The following GEMIN4 variants were observed in gnomAD, a reference collection of about 807,000 sequenced individuals.
GEMIN4 encodes gem-associated protein 4.
A neutral mutation model predicts 76.8 loss-of-function variants in GEMIN4; 59 were observed. The ratio of observed to expected loss-of-function variants is 0.77; its 90% CI spans 0.62 to 0.95. The LOEUF (loss-of-function observed/expected upper bound fraction) is 0.95. Among genes scored for constraint, GEMIN4 ranks in the 40% least tolerant of loss-of-function variants. GEMIN4 has a pLI of 0.00. For synonymous variants in GEMIN4, 562 were observed against 559.7 expected, an observed-to-expected ratio of 1.00 and a Z score of -0.06; for missense variants, 1,311 against 1,318.9, an observed-to-expected ratio of 0.99 and a Z score of 0.09.
chr17:745,180 T>C lies in GEMIN4; in HGVS notation c.2863A>G (p.Arg955Gly), dbSNP rs1466712326. The C allele has an allele frequency of 1.2e-6, 2 of 1,606,552 alleles. No individual in the cohort carries two copies. Among genetic ancestry groups the C allele is most frequent in the Non-Finnish European group, 1.7e-6 (2 of 1,176,948 alleles). The change falls in exon 2 of 2, where the codon AGG becomes GGG. Residue 955 changes from arginine (R) to glycine (G), a missense_variant. This residue lies in a region of GEMIN4 where 1,208 missense variants were observed against 1,166.9 expected (regional missense o/e 1.04). Coordinates refer to ENST00000319004, the MANE Select transcript of GEMIN4 (RefSeq NM_015721.3). The surrounding 1 kb of genome is among the most constrained non-coding windows in gnomAD (Gnocchi z 4.6). ...CAAGGGCCAGCTGCCTGTATCGCCC[T>C]GACTGAGTCCAGGAGGCGGGTCAGA... is the stretch of plus-strand genomic sequence containing the variant. Reference protein sequence around the residue: ...GSLTRLLDSVRAIQAAGPWVQ... With the variant: ...GSLTRLLDSVGAIQAAGPWVQ...
At position 746,322 on chromosome 17, in the gene GEMIN4, G is replaced by A. The variant is rs1974407366; in HGVS notation, c.1721C>T (p.Thr574Ile). The change falls in exon 2 of 2, where the codon ACC becomes ATC. Residue 574 changes from threonine (T) to isoleucine (I), a missense_variant. Transcript: ENST00000319004. This position sits in a 1 kb window ranked among gnomAD's most constrained non-coding sequence, Gnocchi z 4.3. ...MCSLAVVNLG[T>I]HKFLAQILTA... ...GAGAATCTGGGCCAGGAACTTGTGGGTGCCGAGATTGACCACAGCCAGGCT... is the reference window on the plus strand; with the variant it reads ...GAGAATCTGGGCCAGGAACTTGTGGATGCCGAGATTGACCACAGCCAGGCT... The A allele has an allele frequency of 6.2e-7, 1 of 1,613,770 alleles. No individual in the cohort carries two copies. Among genetic ancestry groups the A allele is most frequent in the South Asian group, 1.1e-5 (1 of 91,086 alleles).
At position 747,325 on chromosome 17, in the gene GEMIN4, G is replaced by A. The variant is rs1228179672; in HGVS notation, c.718C>T (p.Leu240=). 1.2e-6 allele frequency: 2 copies of A among 1,613,658 alleles called. No homozygotes were observed. The highest frequency in any genetic ancestry group is 4.5e-5 in the East Asian group (2 of 44,888). ...GTCAGCATGTCAGCCAGGTTGGCCA[G>A]CGCACAGCACTTCCTCCCCGGGCCC... The part of the protein sequence containing the change: ...ILGPGRKCCA[L]ANLADMLTVF... Residue 240 remains leucine (L), a synonymous_variant, in exon 2 of 2, where the codon CTG becomes TTG. Transcript: ENST00000319004.
Position 745,538 on chromosome 17 carries a change from G to A in GEMIN4, c.2505C>T (p.Leu835=). The change falls in exon 2 of 2, where the codon CTC becomes CTT. Residue 835 remains leucine, a synonymous_variant. Transcript: ENST00000319004. The surrounding 1 kb of genome is among the most constrained non-coding windows in gnomAD (Gnocchi z 4.6). ...SSGISERMLS[L]LVVDVGNPEE... is the part of the protein sequence containing the mutation. ...CAGGATTGCCCACGTCCACCACCAA[G>A]AGAGACAGCATCCTCTCCGAGATGC... 6.2e-7 allele frequency: 1 copy of A among 1,612,558 alleles called. No homozygotes were observed. The highest frequency in any genetic ancestry group is 1.1e-5 in the South Asian group (1 of 91,050).
Position 747,253 on chromosome 17 carries a change from C to T in GEMIN4, c.790G>A (p.Val264Met), listed in dbSNP as rs780409881. 24 of 1,613,840 alleles carry T rather than the reference C, an allele frequency of 1.5e-5. No individual in the cohort carries two copies. The highest frequency in any genetic ancestry group is 6.7e-5 in the Admixed American group (4 of 60,022). Reference sequence around the variant, plus strand: ...ACCGTGGCCAGTTTGTCCAGATACACGGTTGCAGACACCTCCTGGGGGTCG... The same window carrying T: ...ACCGTGGCCAGTTTGTCCAGATACATGGTTGCAGACACCTCCTGGGGGTCG... ...EDDPQEVSAT[V>M]YLDKLATVIS... Residue 264 changes from valine (V) to methionine (M), a missense_variant, in exon 2 of 2, where the codon GTG (valine) becomes ATG (methionine). Val to Met is a conservative substitution (Grantham distance 21). Transcript: ENST00000319004.
In GEMIN4 at chr17:745,940, C is replaced by A. The variant is rs766146852; in HGVS notation, c.2103G>T (p.Leu701Phe). 15 of 1,613,040 alleles carry A rather than the reference C, an allele frequency of 9.3e-6. No homozygotes were observed. The highest frequency in any genetic ancestry group is 8.9e-5 in the East Asian group (4 of 44,884). ...TCSPFPLLFS[L>F]CQLLDRFSKY... ...TGCTGAAGCGGTCCAAGAGCTGGCA[C>A]AAGCTGAAGAGGAGTGGAAACGGGG... is the stretch of plus-strand genomic sequence containing the variant. Residue 701 changes from leucine to phenylalanine, a missense_variant, in exon 2 of 2, where the codon TTG becomes TTT. This residue lies in a region of GEMIN4 where 1,208 missense variants were observed against 1,166.9 expected (regional missense o/e 1.04). Transcript: ENST00000319004. This position sits in a 1 kb window ranked among gnomAD's most constrained non-coding sequence, Gnocchi z 4.6.
chr17:745,918 T>C lies in GEMIN4; in HGVS notation c.2125A>G (p.Ser709Gly). ...FSLCQLLDRF[S>G]KYWQLPKEKR... ...TCCTTGGGAAGCTGCCAGTATTTGC[T>C]GAAGCGGTCCAAGAGCTGGCACAAG... The change falls in exon 2 of 2, where the codon AGC (serine) becomes GGC (glycine). Residue 709 changes from serine (S) to glycine (G), a missense_variant. Transcript: ENST00000319004. The surrounding 1 kb of genome is among the most constrained non-coding windows in gnomAD (Gnocchi z 4.6). The C allele has an allele frequency of 1.9e-6, 3 of 1,613,132 alleles. No homozygotes were observed. Among genetic ancestry groups the C allele is most frequent in the Non-Finnish European group, 2.5e-6 (3 of 1,179,866 alleles).
At position 745,830 on chromosome 17, in the gene GEMIN4, T is replaced by C. The variant is rs774453569; in HGVS notation, c.2213A>G (p.Glu738Gly). 3.7e-6 allele frequency: 6 copies of C among 1,613,062 alleles called. No homozygotes were observed. In the South Asian group the frequency reaches 5.5e-5, roughly 15 times the overall value. The change falls in exon 2 of 2, where the codon GAG becomes GGG. Residue 738 changes from glutamate (E) to glycine (G), a missense_variant. Around this residue, in one of 2 missense-constraint regions of GEMIN4, gnomAD observed 1,208 missense variants for 1,166.9 expected, o/e 1.04. Coordinates refer to ENST00000319004, the MANE Select transcript of GEMIN4 (RefSeq NM_015721.3). This position sits in a 1 kb window ranked among gnomAD's most constrained non-coding sequence, Gnocchi z 4.6. ...LAIHILELLC[E>G]IVSANAETFS... ...GGTCTCAGCATTGGCTGATACAATC[T>C]CACACAGGAGCTCCAGGATATGGAT...
chr17:750,543 G>C (rs1032035157), intron 1 of GEMIN4, among the ~76,000 whole-genome samples: 2 of 152,154 alleles, frequency 1.3e-5, no homozygotes, highest in Non-Finnish European at 2.9e-5. Flanking sequence ...GTCTTTATCA[G>C]GTATGTTTCC....
At chr17:752,324 G>C, upstream of GEMIN4, 2 of 1,218,704 alleles carry the variant, frequency 1.6e-6, no homozygotes, top group Non-Finnish European at 2.0e-6. Context: ...CCTCACGAAC[G>C]AGCGCGCCAA....
rs1168632648 is a variant in GEMIN4, at chr17:745,865, C to G, written c.2178G>C (p.Lys726Asn). 1 of 1,612,814 alleles carries G rather than the reference C, an allele frequency of 6.2e-7. No individual in the cohort carries two copies. ...GCTCCAGGATATGGATCGCTAGATC[C>G]TTCCTATCCAAAGAGAGGCACCGCT... The part of the protein sequence containing the change: ...KEKRCLSLDR[K>N]DLAIHILELL... Residue 726 changes from lysine to asparagine, a missense_variant, in exon 2 of 2, where the codon AAG (lysine) becomes AAC (asparagine). By Grantham distance (94) the Lys-to-Asn change is moderately conservative. Transcript: ENST00000319004. The surrounding 1 kb of genome is among the most constrained non-coding windows in gnomAD (Gnocchi z 4.6).
In GEMIN4 at chr17:745,779, G is replaced by T; in HGVS notation, c.2264C>A (p.Ser755Tyr). The T allele has an allele frequency of 6.2e-7, 1 of 1,612,186 alleles. No homozygotes were observed. The highest frequency in any genetic ancestry group is 1.1e-5 in the South Asian group (1 of 90,746). Residue 755 changes from serine (S) to tyrosine (Y), a missense_variant, in exon 2 of 2, where the codon TCC (serine) becomes TAC (tyrosine). Around this residue, in one of 2 missense-constraint regions of GEMIN4, gnomAD observed 1,208 missense variants for 1,166.9 expected, o/e 1.04. Transcript: ENST00000319004. This position sits in a 1 kb window ranked among gnomAD's most constrained non-coding sequence, Gnocchi z 4.6. ...ETFSPDVWIK[S>Y]LSWLHRKLEQ... ...TAACTTGCGGTGGAGCCAGGACAGG[G>T]ACTTGATCCAGACATCCGGGGAGAA...
Position 747,747 on chromosome 17 carries a change from GAGA to G in GEMIN4, c.293_295del (p.Phe98del), listed in dbSNP as rs746184581. On this transcript the variant is annotated inframe_deletion, in exon 2 of 2. Coordinates refer to ENST00000319004, the MANE Select transcript of GEMIN4 (RefSeq NM_015721.3). Reference sequence around the variant, plus strand: ...GATGGTGGGGATCATGTTGCCCACCGAGAAGAACAGGTCTTCCTGCCACCGTGT... The same window carrying G: ...GATGGTGGGGATCATGTTGCCCACCGAGAACAGGTCTTCCTGCCACCGTGT... The G allele has an allele frequency of 5.2e-5, 84 of 1,613,608 alleles. No individual in the cohort carries two copies. The highest frequency in any genetic ancestry group is 8.3e-5 in the Admixed American group (5 of 59,978).
Position 747,836 on chromosome 17 carries a change from G to A in GEMIN4, c.207C>T (p.Ala69=), listed in dbSNP as rs765362353. ...HSQPFAWKKK[A]LIIIWAKVLQ... ...GAACCTTGGCCCAGATGATGATCAG[G>A]GCTTTCTTCTTCCAGGCAAAGGGCT... The change falls in exon 2 of 2, where the codon GCC becomes GCT. Residue 69 remains alanine, a synonymous_variant. Transcript: ENST00000319004. 3.7e-6 allele frequency: 6 copies of A among 1,613,774 alleles called. No homozygotes were observed. The highest frequency in any genetic ancestry group is 5.1e-6 in the Non-Finnish European group (6 of 1,179,844).
At chr17:752,764 T>A (rs916489189), upstream of GEMIN4, 14 of 307,952 alleles carry the variant, frequency 4.5e-5, no homozygotes, top group Non-Finnish European at 2.4e-5. Flanking sequence ...GAGCTTGCAA[T>A]CTGTGCTTGA....
At chr17:753,202 TG>T (rs1249634372), upstream of GEMIN4, 3 of 79,402 alleles carry the variant, frequency 3.8e-5, no homozygotes, top group African/African-American at 1.4e-4. Context: ...GCGGCCAAAG[TG>T]GAGGAGCTGA....
At chr17:752,690 G>T, upstream of GEMIN4, 2 of 970,294 alleles carry the variant, frequency 2.1e-6, no homozygotes, top group Non-Finnish European at 2.5e-6. Context: ...GCTTTTTGAC[G>T]GCTGGTCCTC....
chr17:752,374 C>T (rs981438081), upstream of GEMIN4: 3 of 974,228 alleles, frequency 3.1e-6, no homozygotes, highest in Admixed American at 4.3e-5. Context: ...TCCCACCAGC[C>T]CTCAGGTACC....
At chr17:752,487 C>T (rs1904795761), upstream of GEMIN4, 2 of 447,074 alleles carry the variant, frequency 4.5e-6, no homozygotes, top group Non-Finnish European at 6.9e-6. Flanking sequence ...CATTCACCCT[C>T]ACCCGGTAAC....
rs190025181 is a variant in GEMIN4, at chr17:752,246, G to T, written c.-104C>A. ...CGATGGGAGACGCAGGAGCCACGGC[G>T]GCCGCGCTTAGGCCTGCTCACAACC... On this transcript the variant is annotated 5_prime_UTR_variant, in exon 1 of 2. Coordinates refer to ENST00000319004, the MANE Select transcript of GEMIN4 (RefSeq NM_015721.3). The T allele has an allele frequency of 7.3e-3, 8,919 of 1,228,112 alleles. 41 individuals carry two copies. Among genetic ancestry groups the T allele is most frequent in the Non-Finnish European group, 7.8e-3 (7,686 of 985,300 alleles). 76.1% of individuals were successfully genotyped at this position (1,228,112 alleles called of 1,614,324 possible).
Sources: allele counts gnomAD v4.1 joint callset (sites outside exome capture counted in the v4.1 genomes callset), GRCh38; gene constraint gnomAD v4.1.1; regional missense constraint gnomAD v4.1.1; non-coding constraint Gnocchi (gnomAD v3.1); transcripts MANE v1.5; gene names NCBI Gene and HGNC (gene_info 2026-07-23, HGNC 2026-07-21).